The following USP24 variants were observed in gnomAD, a reference collection of about 807,000 sequenced individuals.
The protein encoded by USP24 is ubiquitin carboxyl-terminal hydrolase 24.
Under a neutral mutation model 361.6 loss-of-function variants are expected in USP24, and 97 were observed. The ratio of observed to expected loss-of-function variants is 0.27; its 90% confidence interval spans 0.23 to 0.32. The LOEUF (loss-of-function observed/expected upper bound fraction) is 0.32. USP24 is among the 10% of genes least tolerant of loss of function. USP24 has a pLI of 1.00. For synonymous variants in USP24, 1,098 were observed against 1,124.6 expected (o/e 0.98, Z 0.47); for missense variants, 2,353 against 3,165.6 (o/e 0.74, Z 6.16).
Position 55,068,846 on chromosome 1 carries a change from T to G in USP24, c.*199A>C. On this transcript the variant is annotated 3_prime_UTR_variant, in exon 68 of 68. Transcript: ENST00000294383. ...GGGACAGCTGATCCACATGCCGGAGTTCTCCCACTGCCAAACAGCTCCCAA... is the reference window on the plus strand; with the variant it reads ...GGGACAGCTGATCCACATGCCGGAGGTCTCCCACTGCCAAACAGCTCCCAA... 3.5e-6 allele frequency: 2 copies of G among 576,300 alleles called. No individual in the cohort carries two copies. Among genetic ancestry groups the G allele is most frequent in the Non-Finnish European group, 6.1e-6 (2 of 327,468 alleles). 35.7% of individuals were successfully genotyped at this position (576,300 alleles called of 1,614,324 possible).
At position 55,097,614 on chromosome 1, in the gene USP24, T is replaced by C; in HGVS notation, c.5699A>G (p.Tyr1900Cys). ...AAAAGTTACCCTTATTTGTTCATCA[T>C]ATTTAATGGAGCGTCCGCTTTCCCA... ...FDWESGRSIK[Y>C]DEQIRFPWML... Residue 1900 changes from tyrosine to cysteine, a missense_variant, in exon 48 of 68, where the codon TAT becomes TGT. Physicochemically the swap from Tyr to Cys is radical, Grantham distance 194. Transcript: ENST00000294383. The C allele has an allele frequency of 6.4e-7, 1 of 1,566,134 alleles. No individual in the cohort carries two copies. Among genetic ancestry groups the C allele is most frequent in the Non-Finnish European group, 8.7e-7 (1 of 1,155,790 alleles).
intron 21 of USP24, 64 bp from the exon 22 acceptor site, chr1:55,143,183 G>GATAATTATTTT (rs1256203859): frequency 7.9e-7 from 1 of 1,266,058 alleles, no homozygotes. Context: ...CAAAATCACA[G>GATAATTATTTT]ATAATTATTT....
intron 38 of USP24, among the ~76,000 whole-genome samples, chr1:55,116,681 C>CAA (rs528611494): frequency 1.6e-4 from 21 of 128,972 alleles, no homozygotes; most frequent in African/African-American, 5.4e-4. Flanking sequence ...ATTGGTAATC[C>CAA]AAAAAAAAAA....
intron 31 of USP24, among the ~76,000 whole-genome samples, chr1:55,129,983 T>C (rs1457427705): frequency 6.6e-6 from 1 of 152,222 alleles, no homozygotes; most frequent in Non-Finnish European, 1.5e-5. Context: ...CTCCTATTTA[T>C]TGAACATCTA....
intron 63 of USP24, 71 bp downstream of exon 63, chr1:55,075,386 G>A: frequency 2.1e-6 from 3 of 1,425,162 alleles, no homozygotes; most frequent in Non-Finnish European, 2.9e-6. Context: ...GCAGGAGGCA[G>A]AACTGGCCAG....
At position 55,075,649 on chromosome 1, in the gene USP24, AACAACAACAACAACAACACCACCACC is replaced by A. The variant is rs1438930589; in HGVS notation, c.7381-152_7381-127del. ...TGACAACAACAACAACAACAACAAC[AACAACAACAACAACAACACCACCACC>A]ACCAATACAGGACGGGCATGGTGGC... On this transcript the variant is annotated intron_variant, in intron 62 of 67. Coordinates refer to ENST00000294383, the MANE Select transcript of USP24 (RefSeq NM_015306.3). 2.8e-5 allele frequency: 14 copies of A among 500,494 alleles called. No individual in the cohort carries two copies. The African/African-American group carries it at 4.4e-4, about 16-fold the overall frequency. The allele number at this position is 500,494 out of a possible 1,614,324, so 31.0% of individuals were successfully genotyped here.
chr1:55,157,489 AG>A (rs1246262695), intron 10 of USP24, 119 bp from the exon 11 acceptor site: 11 of 566,426 alleles, frequency 1.9e-5, no homozygotes, highest in Non-Finnish European at 3.3e-5. Context: ...AATATATCAA[AG>A]GCCAGTTATA....
intron 13 of USP24, 100 bp downstream of exon 13, chr1:55,154,571 T>C: frequency 6.8e-7 from 1 of 1,461,064 alleles, no homozygotes; most frequent in Non-Finnish European, 9.4e-7. Context: ...GAAAAGTACA[T>C]TTAAATACTG....
intron 1 of USP24, among the ~76,000 whole-genome samples, chr1:55,205,893 G>A (rs576143230): frequency 7.2e-5 from 11 of 152,226 alleles, no homozygotes; most frequent in African/African-American, 2.4e-4. Context: ...ACATGTATAC[G>A]TGAGAGGCCC....
At chr1:55,156,769 G>T (rs1412439781) in intron 12 of USP24, among the ~76,000 whole-genome samples, 179 bp downstream of exon 12, 1 of 152,070 alleles carries the variant, frequency 6.6e-6, no homozygotes, top group East Asian at 1.9e-4. Context: ...AACTTCTTGT[G>T]GTGAGTGGAT....
chr1:55,193,342 C>A (rs1644337663), intron 1 of USP24, among the ~76,000 whole-genome samples: 1 of 152,042 alleles, frequency 6.6e-6, no homozygotes, highest in African/African-American at 2.4e-5. Context: ...GTCCTGAAAC[C>A]AACTCCCCAC....
intron 50 of USP24, among the ~76,000 whole-genome samples, chr1:55,095,694 A>T (rs1280486708): frequency 9.9e-5 from 15 of 152,206 alleles, no homozygotes. Context: ...AGGGAGGTCT[A>T]AATGTAAGCA....
intron 56 of USP24, among the ~76,000 whole-genome samples, chr1:55,085,497 C>T (rs756918295): frequency 5.9e-5 from 9 of 152,222 alleles, no homozygotes; most frequent in African/African-American, 9.6e-5. Flanking sequence ...AAGGACTTAA[C>T]GCCCCTGGAT....
At position 55,127,055 on chromosome 1, in the gene USP24, TC is replaced by T. The variant is rs1345687340; in HGVS notation, c.3636-1298del. On this transcript the variant is annotated intron_variant, in intron 32 of 67. Transcript: ENST00000294383. ...TAAAATCAAAACAGAAAAGCCAACT[TC>T]CCCCTCAGTTTTTTTTCTAAATTAT... 1.2e-4 allele frequency among the ~76,000 whole-genome samples: 18 copies of T among 152,030 alleles called. 1 individual carries two copies. The highest frequency in any genetic ancestry group is 1.0e-3 in the Admixed American group (16 of 15,276).
chr1:55,191,829 T>A (rs542224619), intron 1 of USP24, among the ~76,000 whole-genome samples: 1 of 152,146 alleles, frequency 6.6e-6, no homozygotes, highest in Admixed American at 6.5e-5. Context: ...TTTCATGGAA[T>A]TGATACACAG....
At position 55,134,822 on chromosome 1, in the gene USP24, CACA is replaced by C. The variant is rs1646689695; in HGVS notation, c.3202-412_3202-410del. ...GTGTGTTTATGTATCGACATTCACA[CACA>C]ACAATAAATACATGTAATTTAAGTT... On this transcript the variant is annotated intron_variant, in intron 28 of 67. Coordinates refer to ENST00000294383, the MANE Select transcript of USP24 (RefSeq NM_015306.3). 3.3e-5 allele frequency among the ~76,000 whole-genome samples: 5 copies of C among 152,158 alleles called. No homozygotes were observed. The South Asian group carries it at 1.0e-3, about 32-fold the overall frequency.
chr1:55,125,180 G>A lies in USP24; in HGVS notation c.3960+140C>T, dbSNP rs1025826597. 1.8e-5 allele frequency: 13 copies of A among 721,064 alleles called. No individual in the cohort carries two copies. In the Admixed American group the frequency reaches 3.6e-4, roughly 20 times the overall value. The allele number at this position is 721,064 out of a possible 1,614,324, so 44.7% of individuals were successfully genotyped here. The stretch of plus-strand genomic sequence containing the variant: ...GAATTATAGTTATTTCTACCCTAGC[G>A]ATCTCTTTTTAAGTCACCATAAATT... On this transcript the variant is annotated intron_variant, in intron 34 of 67. Coordinates refer to ENST00000294383, the MANE Select transcript of USP24 (RefSeq NM_015306.3).
chr1:55,214,668 G>A lies in USP24; in HGVS notation c.324+122C>T, dbSNP rs1002707503. ...GGGCTTCTCTCTCTCTCTCCGCCCCGCCCCCACTAAAGCCCCAGTCGAATG... is the reference window on the plus strand; with the variant it reads ...GGGCTTCTCTCTCTCTCTCCGCCCCACCCCCACTAAAGCCCCAGTCGAATG... On this transcript the variant is annotated intron_variant, in intron 1 of 67. Coordinates refer to ENST00000294383, the MANE Select transcript of USP24 (RefSeq NM_015306.3). 1.9e-5 allele frequency: 16 copies of A among 844,400 alleles called. No homozygotes were observed. The African/African-American group carries it at 2.8e-4, about 15-fold the overall frequency. 52.3% of individuals were successfully genotyped at this position (844,400 alleles called of 1,614,324 possible). A position where few individuals can be genotyped will look rare whatever the true frequency, so the allele number is the denominator to read the frequency against.
At chr1:55,131,735 C>A (rs1454177073) in intron 31 of USP24, among the ~76,000 whole-genome samples, 1 of 152,126 alleles carries the variant, frequency 6.6e-6, no homozygotes. Context: ...TGCAGGTACC[C>A]TCTTAAAATT....
Sources: allele counts gnomAD v4.1 joint callset (sites outside exome capture counted in the v4.1 genomes callset), GRCh38; gene constraint gnomAD v4.1.1; transcripts MANE v1.5; gene names NCBI Gene and HGNC (gene_info 2026-07-23, HGNC 2026-07-21).